ELK3: variants seen among roughly 807,000 people sequenced by gnomAD.
The protein encoded by ELK3 is ETS domain-containing protein Elk-3.
In ELK3, 10 loss-of-function variants were observed where a neutral mutation model predicts 28.9. That is an observed-to-expected ratio of 0.35 (90% CI 0.21 to 0.59). The LOEUF is 0.59. ELK3 is among the 20% of genes least tolerant of loss of function. The pLI, the probability that ELK3 is intolerant of heterozygous loss-of-function variation, is 0.82. For missense variants in ELK3, 463 were observed against 517.3 expected (o/e 0.90, Z 1.02); for synonymous variants, 272 against 243.5 (o/e 1.12, Z -1.09).
chr12:96,269,671 T>C lies in ELK3; in HGVS notation c.*2491T>C, dbSNP rs1952070972. The C allele has an allele frequency of 1.3e-5, 2 of 152,226 alleles. No homozygotes were observed. Among genetic ancestry groups the C allele is most frequent in the South Asian group, 4.1e-4 (2 of 4,830 alleles). 9.4% of individuals were successfully genotyped at this position (152,226 alleles called of 1,614,324 possible). A position where few individuals can be genotyped will look rare whatever the true frequency, so the allele number is the denominator to read the frequency against. ...TTCCCTTTTATGTCTGCTTAATCAG[T>C]GTTAAACTGCTATGGGAAAAGTTTT... On this transcript the variant is annotated 3_prime_UTR_variant, in exon 5 of 5. Transcript: ENST00000228741.
At chr12:96,232,493 C>T (rs1174237013) in intron 2 of ELK3, among the ~76,000 whole-genome samples, 2 of 151,616 alleles carry the variant, frequency 1.3e-5, no homozygotes, top group Admixed American at 6.6e-5. Flanking sequence ...ATTGCTTGAA[C>T]CTGGGAGGTG....
intron 1 of ELK3, among the ~76,000 whole-genome samples, chr12:96,196,589 A>T (rs1951469806): frequency 6.6e-6 from 1 of 152,054 alleles, no homozygotes. Context: ...AAAATTACAA[A>T]TTGTGTTAGG....
intron 2 of ELK3, among the ~76,000 whole-genome samples, chr12:96,228,503 C>T (rs776396842): frequency 2.6e-5 from 4 of 151,686 alleles, no homozygotes; most frequent in South Asian, 4.2e-4. Flanking sequence ...AGGGAAACGC[C>T]GGATCTGAGT....
Position 96,247,143 on chromosome 12 carries a change from C to T in ELK3, c.411C>T (p.Tyr137=). The T allele has an allele frequency of 6.2e-7, 1 of 1,614,064 alleles. No individual in the cohort carries two copies. Among genetic ancestry groups the T allele is most frequent in the Non-Finnish European group, 8.5e-7 (1 of 1,179,970 alleles). ...TCAGAAGCACGAGCCGCAACGAATA[C>T]ATCCACTCAGGCCTGTACTCGTCCT... The part of the protein sequence containing the change: ...AALRSTSRNE[Y]IHSGLYSSFT... Residue 137 remains tyrosine (Y), a synonymous_variant, in exon 3 of 5, where the codon TAC becomes TAT. Coordinates refer to ENST00000228741, the MANE Select transcript of ELK3 (RefSeq NM_005230.4). This position sits in a 1 kb window ranked among gnomAD's most constrained non-coding sequence, Gnocchi z 5.5.
At chr12:96,237,525 A>G (rs1951793151) in intron 2 of ELK3, among the ~76,000 whole-genome samples, 1 of 152,248 alleles carries the variant, frequency 6.6e-6, no homozygotes, top group Admixed American at 6.5e-5. Flanking sequence ...ACTGCATCCA[A>G]GCCACTGAGG....
At position 96,202,287 on chromosome 12, in the gene ELK3, C is replaced by T. The variant is rs1951512301; in HGVS notation, c.-3+7582C>T. ...ATTTGGGCCAGCAAACTGACTTTTC[C>T]TCAGTTCCTCAAATGCTTAAGGTGT... is the stretch of plus-strand genomic sequence containing the variant. On this transcript the variant is annotated intron_variant, in intron 1 of 4. Transcript: ENST00000228741. Among the ~76,000 whole-genome samples the T allele has an allele frequency of 2.0e-5, 3 of 152,286 alleles. No individual in the cohort carries two copies. In the South Asian group the frequency reaches 6.2e-4, roughly 32 times the overall value.
chr12:96,234,958 C>T (rs550145787), intron 2 of ELK3, among the ~76,000 whole-genome samples: 7 of 152,214 alleles, frequency 4.6e-5, no homozygotes, highest in Admixed American at 1.3e-4. Context: ...GAGACAGGCC[C>T]CCGGTATTTT....
chr12:96,261,273 G>A (rs188625740), intron 4 of ELK3, among the ~76,000 whole-genome samples: 45 of 152,264 alleles, frequency 3.0e-4, no homozygotes, highest in African/African-American at 1.1e-3. Context: ...TATCCTTGGA[G>A]TAATTGGGTT....
chr12:96,236,461 C>G (rs1279666658), intron 2 of ELK3, among the ~76,000 whole-genome samples: 1 of 152,216 alleles, frequency 6.6e-6, no homozygotes, highest in East Asian at 1.9e-4. Context: ...GCAAAGAAAC[C>G]TCAACCCAAA....
intron 3 of ELK3, among the ~76,000 whole-genome samples, chr12:96,250,969 C>G (rs1271554036): frequency 6.6e-6 from 1 of 152,198 alleles, no homozygotes; most frequent in African/African-American, 2.4e-5. Context: ...TATCACACCT[C>G]ATACAGGCAT....
chr12:96,215,427 G>C (rs1425725478), intron 1 of ELK3, among the ~76,000 whole-genome samples: 1 of 152,170 alleles, frequency 6.6e-6, no homozygotes, highest in African/African-American at 2.4e-5. Flanking sequence ...TTCGGTGACA[G>C]AGGCAGGAGG....
At chr12:96,225,692 C>T (rs540985211) in intron 2 of ELK3, among the ~76,000 whole-genome samples, 10 of 152,324 alleles carry the variant, frequency 6.6e-5, no homozygotes, top group Non-Finnish European at 1.3e-4. Flanking sequence ...GATTTGAACC[C>T]AGCTGGTCCA....
intron 3 of ELK3, chr12:96,255,478 C>T (rs1951941374): frequency 6.6e-6 from 1 of 152,410 alleles, no homozygotes; most frequent in Non-Finnish European, 1.5e-5. Flanking sequence ...TCTGAGGGAG[C>T]GTTGAAGGAC....
At chr12:96,245,300 G>A (rs980201231) in intron 2 of ELK3, among the ~76,000 whole-genome samples, 42 of 152,160 alleles carry the variant, frequency 2.8e-4, no homozygotes, top group Admixed American at 8.5e-4. Context: ...TGAATTTCAT[G>A]TCTATTGGGG....
intron 1 of ELK3, among the ~76,000 whole-genome samples, chr12:96,220,547 C>G (rs1308392519): frequency 6.6e-6 from 1 of 151,968 alleles, no homozygotes; most frequent in Non-Finnish European, 1.5e-5. Flanking sequence ...GCCACCACGC[C>G]CAGCTGGTTT....
chr12:96,243,227 GTA>G (rs1951833378), intron 2 of ELK3, among the ~76,000 whole-genome samples: 1 of 152,138 alleles, frequency 6.6e-6, no homozygotes, highest in Non-Finnish European at 1.5e-5. Flanking sequence ...GTGGCTCTGA[GTA>G]TAGAGTTCTG....
intron 3 of ELK3, among the ~76,000 whole-genome samples, chr12:96,248,446 T>C (rs555842952): frequency 1.3e-5 from 2 of 152,366 alleles, no homozygotes; most frequent in South Asian, 4.1e-4. Flanking sequence ...TAGTAGGTGC[T>C]GGGAAACCAT....
At chr12:96,259,881 C>T (rs1284975840) in intron 4 of ELK3, 28 bp downstream of exon 4, 2 of 1,570,758 alleles carry the variant, frequency 1.3e-6, no homozygotes, top group Admixed American at 1.8e-5. Context: ...AACTTTTGAA[C>T]ATTAAGCTTC....
At chr12:96,246,364 G>A (rs149263082) in intron 2 of ELK3, among the ~76,000 whole-genome samples, 2 of 152,250 alleles carry the variant, frequency 1.3e-5, no homozygotes, top group African/African-American at 4.8e-5. Context: ...ACATAGTAAA[G>A]GCTTCATAAA....
Sources: gnomAD v4.1 joint callset for allele counts (sites outside exome capture counted in the v4.1 genomes callset) on GRCh38, gnomAD v4.1.1 for gene constraint, Gnocchi (gnomAD v3.1) non-coding constraint, MANE v1.5 for transcripts, NCBI Gene and HGNC (gene_info 2026-07-23, HGNC 2026-07-21) for gene names.